The following CDH12 variants were observed in gnomAD, a reference collection of about 807,000 sequenced individuals.
CDH12 encodes the protein cadherin 12.
CDH12 carries 41 observed loss-of-function variants against 74.1 expected under a neutral mutation model. The ratio of observed to expected loss-of-function variants is 0.55; its 90% CI spans 0.43 to 0.72. The LOEUF (loss-of-function observed/expected upper bound fraction) is 0.72. CDH12 is among the 30% of genes least tolerant of loss of function. The pLI is 0.00. For synonymous variants in CDH12, 399 were observed against 355.0 expected (o/e 1.12, Z -1.39); for missense variants, 945 against 977.2 (o/e 0.97, Z 0.44).
chr5:22,759,533 C>T (rs1449260339), intron 1 of CDH12, among the ~76,000 whole-genome samples: 1 of 152,140 alleles, frequency 6.6e-6, no homozygotes, highest in Non-Finnish European at 1.5e-5. Context: ...AATACCATCT[C>T]CTCTCTAGCC....
At chr5:22,678,679 C>T (rs1160583177) in intron 1 of CDH12, among the ~76,000 whole-genome samples, 1 of 151,940 alleles carries the variant, frequency 6.6e-6, no homozygotes. Context: ...TTTTCTTGTA[C>T]AGCATTTGAA....
intron 3 of CDH12, among the ~76,000 whole-genome samples, chr5:22,377,478 C>T (rs1741581790): frequency 6.6e-6 from 1 of 152,098 alleles, no homozygotes; most frequent in Admixed American, 6.6e-5. Flanking sequence ...AGTGTGTCCT[C>T]ATTTGCATCC....
chr5:22,113,644 A>C (rs1744935946), intron 4 of CDH12, among the ~76,000 whole-genome samples: 1 of 152,162 alleles, frequency 6.6e-6, no homozygotes, highest in African/African-American at 2.4e-5. Context: ...CCTTGGGCAC[A>C]TAGTCTCAGG....
intron 3 of CDH12, among the ~76,000 whole-genome samples, chr5:22,366,251 C>T (rs573561310): frequency 3.2e-4 from 49 of 152,098 alleles, no homozygotes; most frequent in African/African-American, 1.2e-3. Flanking sequence ...ACCATCACAC[C>T]CACCCTCAGT....
Position 21,927,581 on chromosome 5 carries a change from ACT to A in CDH12, c.526+47508_526+47509del, listed in dbSNP as rs373753534. On this transcript the variant is annotated intron_variant, in intron 6 of 14. Transcript: ENST00000382254. ...ACTCCAGCCTGGGTGACAGAGGAAGACTCTGCTCAAAAAAACAAGAAAGAAAG... is the reference window on the plus strand; with the variant it reads ...ACTCCAGCCTGGGTGACAGAGGAAGACTGCTCAAAAAAACAAGAAAGAAAG... Among the ~76,000 whole-genome samples the A allele has an allele frequency of 3.2e-3, 490 of 152,026 alleles. 2 individuals carry two copies. The highest frequency in any genetic ancestry group is 0.011 in the African/African-American group (456 of 41,452).
chr5:22,580,955 A>G (rs146510607), intron 1 of CDH12: 196 of 160,046 alleles, frequency 1.2e-3, no homozygotes, highest in African/African-American at 4.4e-3. Flanking sequence ...CAGCAAAGCA[A>G]TCAAGAGTTG....
Position 22,004,419 on chromosome 5 carries a change from C to G in CDH12, c.232-29034G>C, listed in dbSNP as rs146862139. ...AAACCTAAATCCTTGGAGTGGCCTT[C>G]AAGTTCCTACACTTTCTGGCCCCTA... On this transcript the variant is annotated intron_variant, in intron 5 of 14. Coordinates refer to ENST00000382254, the MANE Select transcript of CDH12 (RefSeq NM_004061.5). Among the ~76,000 whole-genome samples the G allele has an allele frequency of 6.1e-3, 924 of 152,156 alleles. 2 individuals are homozygous for G. Among genetic ancestry groups the G allele is most frequent in the African/African-American group, 0.021 (888 of 41,482 alleles).
intron 3 of CDH12, among the ~76,000 whole-genome samples, chr5:22,324,860 G>T (rs1739019186): frequency 6.6e-6 from 1 of 152,070 alleles, no homozygotes; most frequent in Non-Finnish European, 1.5e-5. Context: ...AAATATAATA[G>T]TTCACAGGAA....
chr5:22,417,647 T>C, intron 2 of CDH12, among the ~76,000 whole-genome samples: 1 of 152,234 alleles, frequency 6.6e-6, no homozygotes, highest in East Asian at 1.9e-4. Flanking sequence ...AAGTCTTTTT[T>C]TATGATAGAA....
At chr5:21,861,899 AGTGTGTGTGTGT>A (rs59953319) in intron 6 of CDH12, among the ~76,000 whole-genome samples, 1 of 147,722 alleles carries the variant, frequency 6.8e-6, no homozygotes, top group African/African-American at 2.5e-5. Context: ...GGTCATTTCT[AGTGTGTGTGTGT>A]GTGTGTGTGT....
intron 1 of CDH12, among the ~76,000 whole-genome samples, chr5:22,619,924 A>G (rs1415163243): frequency 6.6e-6 from 1 of 152,062 alleles, no homozygotes; most frequent in Non-Finnish European, 1.5e-5. Flanking sequence ...TTTTTGCTTT[A>G]TTGTTTACAT....
intron 5 of CDH12, among the ~76,000 whole-genome samples, chr5:22,024,783 G>A (rs930970959): frequency 5.9e-5 from 9 of 152,068 alleles, no homozygotes; most frequent in African/African-American, 2.2e-4. Context: ...CAAAGTGCTG[G>A]AATTACAGCT....
chr5:21,919,922 C>G (rs963438094), intron 6 of CDH12, among the ~76,000 whole-genome samples: 1 of 152,124 alleles, frequency 6.6e-6, no homozygotes, highest in African/African-American at 2.4e-5. Flanking sequence ...ATAGCTACCA[C>G]TCTCTTGATG....
intron 3 of CDH12, among the ~76,000 whole-genome samples, chr5:22,234,703 T>C (rs1467147830): frequency 6.6e-6 from 1 of 152,024 alleles, no homozygotes; most frequent in African/African-American, 2.4e-5. Context: ...TATATTTATG[T>C]ATGTATGTGT....
At chr5:22,409,031 T>A (rs938647795) in intron 2 of CDH12, among the ~76,000 whole-genome samples, 2 of 152,008 alleles carry the variant, frequency 1.3e-5, no homozygotes, top group African/African-American at 4.8e-5. Flanking sequence ...TAATAAAAAC[T>A]TCCAGAAAAT....
At chr5:22,307,841 T>G (rs1428599468) in intron 3 of CDH12, among the ~76,000 whole-genome samples, 1 of 150,790 alleles carries the variant, frequency 6.6e-6, no homozygotes, top group Admixed American at 6.6e-5. Flanking sequence ...ATAATCATTT[T>G]AATTTCTATA....
chr5:22,458,150 G>C (rs1171166503), intron 2 of CDH12, among the ~76,000 whole-genome samples: 1 of 152,112 alleles, frequency 6.6e-6, no homozygotes, highest in Non-Finnish European at 1.5e-5. Context: ...AAAGTGCTAG[G>C]ATTACAGGCA....
At chr5:22,126,718 C>A (rs190232004) in intron 4 of CDH12, among the ~76,000 whole-genome samples, 1 of 152,262 alleles carries the variant, frequency 6.6e-6, no homozygotes, top group African/African-American at 2.4e-5. Flanking sequence ...GTTGCAGAGT[C>A]TCTCATCTAT....
chr5:22,202,897 A>G (rs1350062654), intron 4 of CDH12, among the ~76,000 whole-genome samples: 1 of 152,220 alleles, frequency 6.6e-6, no homozygotes, highest in Non-Finnish European at 1.5e-5. Flanking sequence ...CAACTCCACT[A>G]AAACTTATTT....
Sources: gnomAD v4.1 joint callset for allele counts (sites outside exome capture counted in the v4.1 genomes callset) on GRCh38, gnomAD v4.1.1 for gene constraint, MANE v1.5 for transcripts, NCBI Gene and HGNC (gene_info 2026-07-23, HGNC 2026-07-21) for gene names.